The following SLC66A1 variants were observed in gnomAD, a reference collection of about 807,000 sequenced individuals.
SLC66A1 encodes the protein solute carrier family 66 member 1.
SLC66A1 carries 23 observed loss-of-function variants against 33.0 expected under a neutral mutation model. That is an observed-to-expected ratio of 0.70 (90% CI 0.50 to 0.99). SLC66A1 has a LOEUF of 0.99. Among genes scored for constraint, SLC66A1 ranks in the 50% least tolerant of loss-of-function variants. SLC66A1 has a pLI of 0.00. For synonymous variants in SLC66A1, 164 were observed against 175.5 expected (o/e 0.93, Z 0.52); for missense variants, 335 against 383.6 (o/e 0.87, Z 1.06).
intron 1 of SLC66A1, among the ~76,000 whole-genome samples, chr1:19,313,866 T>A (rs1244093928): frequency 6.6e-6 from 1 of 152,182 alleles, no homozygotes; most frequent in African/African-American, 2.4e-5. Flanking sequence ...GAGAGGAGTT[T>A]GGGTGTGGCA....
chr1:19,314,157 G>T (rs918931059), intron 1 of SLC66A1, among the ~76,000 whole-genome samples: 2 of 152,144 alleles, frequency 1.3e-5, no homozygotes, highest in East Asian at 1.9e-4. Context: ...CAGGAACTAC[G>T]CAGGATGGCC....
At chr1:19,314,635 T>G (rs1390532313) in intron 1 of SLC66A1, among the ~76,000 whole-genome samples, 1 of 152,238 alleles carries the variant, frequency 6.6e-6, no homozygotes, top group Non-Finnish European at 1.5e-5. Flanking sequence ...GTGAGTGTCG[T>G]TAGCCCCATT....
intron 1 of SLC66A1, among the ~76,000 whole-genome samples, chr1:19,316,894 G>A (rs908769772): frequency 4.1e-5 from 6 of 145,946 alleles, no homozygotes; most frequent in Non-Finnish European, 7.5e-5. Flanking sequence ...TTTTTAGAGG[G>A]AGTCTTGCTC....
At chr1:19,315,342 C>A (rs1227724183) in intron 1 of SLC66A1, among the ~76,000 whole-genome samples, 1 of 152,240 alleles carries the variant, frequency 6.6e-6, no homozygotes, top group African/African-American at 2.4e-5. Flanking sequence ...AGGCTTTCAG[C>A]CTCCCTGCCT....
rs1308738125 is a variant in SLC66A1 at position 19,326,256 on chromosome 1, A to G, written c.394A>G (p.Ile132Val). The G allele has an allele frequency of 6.2e-7, 1 of 1,604,666 alleles. No homozygotes were observed. The highest frequency in any genetic ancestry group is 8.5e-7 in the Non-Finnish European group (1 of 1,179,438). ...TGCCTTGTGTGCAGTGTCTGCCCCCATCAACTCCGTGCTGTTGTTCCTCAT... is the reference window on the plus strand; with the variant it reads ...TGCCTTGTGTGCAGTGTCTGCCCCCGTCAACTCCGTGCTGTTGTTCCTCAT... ...RTRPSLLSAP[I>V]NSVLLFLMGM... The change falls in exon 5 of 8, where the codon ATC becomes GTC. Residue 132 changes from isoleucine to valine, a missense_variant. Coordinates refer to ENST00000375153, the MANE Select transcript of SLC66A1 (RefSeq NM_001040125.2).
In SLC66A1 at chr1:19,319,990, G is replaced by A. The variant is rs549960696; in HGVS notation, c.164+2149G>A. ...TGGCTCACTGCAGCCTCTGCCTGGC[G>A]TGCTCAAGAGATTCCCCTGCCTCAG... is the stretch of plus-strand genomic sequence containing the variant. On this transcript the variant is annotated intron_variant, in intron 2 of 7. Transcript: ENST00000375153. 6.0e-4 allele frequency among the ~76,000 whole-genome samples: 91 copies of A among 151,086 alleles called. No individual in the cohort carries two copies. The South Asian group carries it at 0.015, about 25-fold the overall frequency.
intron 2 of SLC66A1, among the ~76,000 whole-genome samples, chr1:19,321,481 C>G (rs1409250014): frequency 6.7e-6 from 1 of 149,502 alleles, no homozygotes; most frequent in Non-Finnish European, 1.5e-5. Context: ...CCCAGCATCT[C>G]TTGTTCTAAG....
downstream of SLC66A1, among the ~76,000 whole-genome samples, chr1:19,329,653 G>A (rs2093887103): frequency 1.3e-5 from 2 of 152,212 alleles, no homozygotes; most frequent in Admixed American, 1.3e-4. Flanking sequence ...GGACAGTACT[G>A]TCATTTCCTG....
At chr1:19,333,888 A>T (rs2093898169), downstream of SLC66A1, among the ~76,000 whole-genome samples, 2 of 139,928 alleles carry the variant, frequency 1.4e-5, no homozygotes, top group South Asian at 4.5e-4. This position sits in a 1 kb window ranked among gnomAD's most constrained non-coding sequence, Gnocchi z 4.2. Flanking sequence ...TGGGTGACAG[A>T]GACCTTGTCT....
At chr1:19,318,032 A>G (rs765471212) in intron 2 of SLC66A1, among the ~76,000 whole-genome samples, 191 bp downstream of exon 2, 13 of 152,166 alleles carry the variant, frequency 8.5e-5, no homozygotes, top group Admixed American at 3.3e-4. Context: ...CAGTGCTGAT[A>G]CAGAGATCAT....
intron 3 of SLC66A1, among the ~76,000 whole-genome samples, chr1:19,325,252 G>T (rs963680834): frequency 7.9e-5 from 12 of 152,158 alleles, no homozygotes; most frequent in African/African-American, 2.9e-4. Flanking sequence ...GACTGCTAGC[G>T]CTGACCACCA....
At chr1:19,322,749 G>A (rs9661399) in intron 2 of SLC66A1, among the ~76,000 whole-genome samples, 32,710 of 152,164 alleles carry the variant, frequency 0.21, 4,129 homozygotes, top group South Asian at 0.33. Flanking sequence ...GAGGAAGAGA[G>A]CCATCCTGGG....
downstream of SLC66A1, among the ~76,000 whole-genome samples, chr1:19,330,576 C>T (rs2093889639): frequency 6.6e-6 from 1 of 152,152 alleles, no homozygotes; most frequent in African/African-American, 2.4e-5. Flanking sequence ...GAGGACTTCT[C>T]AGAGGAGTGG....
intron 2 of SLC66A1, 49 bp downstream of exon 2, chr1:19,317,890 G>A (rs1558146638): frequency 4.4e-6 from 7 of 1,584,762 alleles, no homozygotes; most frequent in Admixed American, 1.8e-5. Context: ...TGGGGTTGAG[G>A]CAGTGGCTCC....
At chr1:19,323,052 T>A (rs1353563346) in intron 2 of SLC66A1, among the ~76,000 whole-genome samples, 2 of 152,130 alleles carry the variant, frequency 1.3e-5, no homozygotes, top group African/African-American at 4.8e-5. Context: ...GGCTAATTTT[T>A]TTTTTTGGTA....
chr1:19,316,108 C>T (rs1320067654), intron 1 of SLC66A1, among the ~76,000 whole-genome samples: 3 of 152,118 alleles, frequency 2.0e-5, no homozygotes, highest in African/African-American at 7.2e-5. Context: ...CCAGGGTGCC[C>T]GGGTAGCGGG....
At chr1:19,332,027 C>G (rs976062289), downstream of SLC66A1, among the ~76,000 whole-genome samples, 1 of 152,210 alleles carries the variant, frequency 6.6e-6, no homozygotes, top group Non-Finnish European at 1.5e-5. Context: ...CAGCCCCTAC[C>G]TTCAGAGAGC....
At chr1:19,330,177 G>A (rs188146188), downstream of SLC66A1, among the ~76,000 whole-genome samples, 1 of 152,216 alleles carries the variant, frequency 6.6e-6, no homozygotes, top group East Asian at 1.9e-4. Flanking sequence ...ATGACCCTCA[G>A]GTGCCTGGAG....
chr1:19,330,049 C>T (rs2093888289), downstream of SLC66A1, among the ~76,000 whole-genome samples: 1 of 152,188 alleles, frequency 6.6e-6, no homozygotes, highest in South Asian at 2.1e-4. Flanking sequence ...CTCACTGCAG[C>T]CTCGAACTCC....
Sources: gnomAD v4.1 joint callset for allele counts (sites outside exome capture counted in the v4.1 genomes callset) on GRCh38, gnomAD v4.1.1 for gene constraint, Gnocchi (gnomAD v3.1) non-coding constraint, MANE v1.5 for transcripts, NCBI Gene and HGNC (gene_info 2026-07-23, HGNC 2026-07-21) for gene names.